CREBRF: variants seen among roughly 807,000 people sequenced by gnomAD.
CREBRF encodes UPF0474 protein C5orf41.
In CREBRF, 5 loss-of-function variants were observed where a neutral mutation model predicts 66.1. That is an observed-to-expected ratio of 0.08 (90% CI 0.04 to 0.16). The LOEUF is 0.16. Among genes scored for constraint, CREBRF ranks in the 10% least tolerant of loss-of-function variants. The pLI, the probability that CREBRF is intolerant of heterozygous loss-of-function variation, is 1.00. For synonymous variants in CREBRF, 229 were observed against 264.4 expected, an observed-to-expected ratio of 0.87 and a Z score of 1.30; for missense variants, 531 against 744.9, an observed-to-expected ratio of 0.71 and a Z score of 3.34.
chr5:173,103,509 G>C (rs1428792239), intron 4 of CREBRF, among the ~76,000 whole-genome samples: 1 of 152,202 alleles, frequency 6.6e-6, no homozygotes, highest in African/African-American at 2.4e-5. Context: ...TTCAGTGCTA[G>C]TTTAGGGTGG....
intron 8 of CREBRF, among the ~76,000 whole-genome samples, chr5:173,131,726 ACACACTT>A (rs1194581222): frequency 3.9e-5 from 5 of 129,828 alleles, no homozygotes; most frequent in Non-Finnish European, 8.7e-5. Flanking sequence ...ACACACACAC[ACACACTT>A]TTTTTTGTTT....
At chr5:173,086,907 G>C (rs1372101479) in intron 3 of CREBRF, among the ~76,000 whole-genome samples, 1 of 150,910 alleles carries the variant, frequency 6.6e-6, no homozygotes, top group African/African-American at 2.4e-5. Flanking sequence ...CTCCCAAGTA[G>C]CTAGGATTAC....
intron 8 of CREBRF, among the ~76,000 whole-genome samples, chr5:173,132,686 A>AC (rs1258195006): frequency 7.9e-6 from 1 of 126,330 alleles, no homozygotes; most frequent in Non-Finnish European, 1.7e-5. Context: ...CCCAACCTCC[A>AC]CCCCCCGGGT....
chr5:173,060,518 A>G (rs550847466), intron 1 of CREBRF: 1 of 152,298 alleles, frequency 6.6e-6, no homozygotes, highest in South Asian at 2.1e-4. Context: ...GGTATGAGCC[A>G]CCGTGCCCCC....
intron 4 of CREBRF, chr5:173,092,022 G>A (rs1054359621): frequency 8.9e-6 from 3 of 336,362 alleles, no homozygotes; most frequent in Non-Finnish European, 1.3e-5. Context: ...CTGAGGTTGC[G>A]GTTAGCTGAC....
chr5:173,107,088 C>T (rs79908776), intron 4 of CREBRF, among the ~76,000 whole-genome samples: 1,753 of 152,298 alleles, frequency 0.012, 25 homozygotes, highest in South Asian at 0.072. Flanking sequence ...TCTCCACTGC[C>T]AATCCCTGGC....
chr5:173,078,622 G>T (rs1436192291), intron 1 of CREBRF, among the ~76,000 whole-genome samples: 1 of 150,492 alleles, frequency 6.6e-6, no homozygotes, highest in Non-Finnish European at 1.5e-5. Context: ...GCAGTGGTGC[G>T]ATCTCGGCTC....
At chr5:173,085,740 T>C in intron 2 of CREBRF, 1 of 768,416 alleles carries the variant, frequency 1.3e-6, no homozygotes, top group Non-Finnish European at 2.4e-6. Flanking sequence ...TTTAGGCCTT[T>C]CTGTGTGAGT....
At chr5:173,104,434 A>G (rs546247376) in intron 4 of CREBRF, among the ~76,000 whole-genome samples, 2 of 152,256 alleles carry the variant, frequency 1.3e-5, no homozygotes, top group African/African-American at 4.8e-5. Flanking sequence ...TAATCTCAGC[A>G]CTTTGGGAGG....
At chr5:173,085,720 A>G in intron 2 of CREBRF, 2 of 754,740 alleles carry the variant, frequency 2.6e-6, no homozygotes, top group Admixed American at 3.6e-5. Flanking sequence ...CCCGGCCATC[A>G]GATACATTCT....
rs1393716449 is a variant in CREBRF at position 173,085,437 on chromosome 5, A to G, written c.10-1064A>G. On this transcript the variant is annotated intron_variant, in intron 2 of 8. Coordinates refer to ENST00000296953, the MANE Select transcript of CREBRF (RefSeq NM_153607.3). ...TCTTTTTTTTTTTTTCTTTTTGGAGACGGAGTTTCGCTCTTGTTGCCCAGG... is the reference window on the plus strand; with the variant it reads ...TCTTTTTTTTTTTTTCTTTTTGGAGGCGGAGTTTCGCTCTTGTTGCCCAGG... The G allele has an allele frequency of 2.4e-5, 19 of 791,708 alleles. No homozygotes were observed. In the East Asian group the frequency reaches 4.5e-4, roughly 19 times the overall value. 49.0% of individuals were successfully genotyped at this position (791,708 alleles called of 1,614,324 possible).
intron 8 of CREBRF, among the ~76,000 whole-genome samples, chr5:173,125,587 G>A (rs565089931): frequency 3.9e-5 from 6 of 152,156 alleles, no homozygotes; most frequent in South Asian, 4.2e-4. Flanking sequence ...CATGGCATCC[G>A]GGCACGGTGG....
intron 4 of CREBRF, among the ~76,000 whole-genome samples, chr5:173,100,078 T>TTGTGTGTGTATGTG (rs1554125223): frequency 7.5e-4 from 52 of 69,144 alleles, no homozygotes; most frequent in South Asian, 3.4e-3. Context: ...GGCTAATCTT[T>TTGTGTGTGTATGTG]TGTGTGTGTG....
chr5:173,075,356 C>A (rs1244287355), intron 1 of CREBRF, among the ~76,000 whole-genome samples: 2 of 152,174 alleles, frequency 1.3e-5, no homozygotes, highest in African/African-American at 4.8e-5. Flanking sequence ...CCCCACCTTT[C>A]CCCCAGTGTA....
chr5:173,094,675 A>G (rs1423272017), intron 4 of CREBRF, among the ~76,000 whole-genome samples: 2 of 152,152 alleles, frequency 1.3e-5, no homozygotes, highest in African/African-American at 4.8e-5. Flanking sequence ...TATTTTGGAT[A>G]TTAACTCCTT....
chr5:173,109,947 C>A (rs1049709208), intron 5 of CREBRF: 6 of 160,732 alleles, frequency 3.7e-5, no homozygotes, highest in African/African-American at 1.4e-4. Context: ...AGAGCCATCC[C>A]TTTTGCCTGG....
chr5:173,101,612 G>A (rs1429377178), intron 4 of CREBRF, among the ~76,000 whole-genome samples: 2 of 151,848 alleles, frequency 1.3e-5, no homozygotes, highest in Non-Finnish European at 2.9e-5. Flanking sequence ...GAGTGCAGTG[G>A]CACCATCTTG....
At chr5:173,110,372 G>T (rs1052542441) in intron 5 of CREBRF, 150 bp from the exon 6 acceptor site, 1 of 719,954 alleles carries the variant, frequency 1.4e-6, no homozygotes, top group Non-Finnish European at 2.6e-6. Context: ...TTCTAGGATA[G>T]ATTGTTAAAC....
chr5:173,122,843 G>A (rs1759173251), intron 7 of CREBRF, among the ~76,000 whole-genome samples: 1 of 136,938 alleles, frequency 7.3e-6, no homozygotes, highest in Admixed American at 8.3e-5. Context: ...GTGAGAACAT[G>A]CGGTGTTTGG....
Sources: allele counts gnomAD v4.1 joint callset (sites outside exome capture counted in the v4.1 genomes callset), GRCh38; gene constraint gnomAD v4.1.1; transcripts MANE v1.5; gene names NCBI Gene and HGNC (gene_info 2026-07-23, HGNC 2026-07-21).